Variants in TAFA1 observed in about 807,000 individuals in gnomAD.
TAFA1 encodes the protein TAFA chemokine like family member 1, also known as chemokine-like protein TAFA-1.
Under a neutral mutation model 18.5 loss-of-function variants are expected in TAFA1, and 4 were observed. The ratio of observed to expected loss-of-function variants is 0.22; its 90% CI spans 0.11 to 0.49. The LOEUF is 0.49. Among genes scored for constraint, TAFA1 ranks in the 20% least tolerant of loss-of-function variants. The pLI is 0.98. For missense variants in TAFA1, 147 were observed against 169.0 expected (o/e 0.87, Z 0.72); for synonymous variants, 56 against 55.2 (o/e 1.01, Z -0.06).
At chr3:68,275,445 C>A (rs1304739254) in intron 2 of TAFA1, among the ~76,000 whole-genome samples, 1 of 149,842 alleles carries the variant, frequency 6.7e-6, no homozygotes, top group African/African-American at 2.4e-5. Context: ...GGGCTTCAAG[C>A]AAGATCATGT....
At chr3:68,525,213 C>T (rs1429183177) in intron 3 of TAFA1, among the ~76,000 whole-genome samples, 1 of 152,082 alleles carries the variant, frequency 6.6e-6, no homozygotes, top group African/African-American at 2.4e-5. Flanking sequence ...AAATGAATTT[C>T]GAAGCGTCAG....
intron 2 of TAFA1, among the ~76,000 whole-genome samples, chr3:68,227,702 C>T (rs766192613): frequency 6.6e-6 from 1 of 152,122 alleles, no homozygotes; most frequent in Non-Finnish European, 1.5e-5. Context: ...GGCTTTTTTT[C>T]TCCCAACTAT....
At chr3:68,472,533 C>A (rs796258415) in intron 3 of TAFA1, among the ~76,000 whole-genome samples, 21 of 141,590 alleles carry the variant, frequency 1.5e-4, no homozygotes, top group African/African-American at 4.3e-4. Flanking sequence ...CACACACACA[C>A]AAATACACAT....
At chr3:68,483,753 G>T (rs2072281422) in intron 3 of TAFA1, among the ~76,000 whole-genome samples, 2 of 152,154 alleles carry the variant, frequency 1.3e-5, no homozygotes, top group African/African-American at 2.4e-5. Context: ...CAGAGCAGAG[G>T]GAACAGCAAG....
At chr3:68,014,938 C>T (rs981157079) in intron 2 of TAFA1, among the ~76,000 whole-genome samples, 1 of 152,232 alleles carries the variant, frequency 6.6e-6, no homozygotes, top group South Asian at 2.1e-4. Flanking sequence ...ATCCTACCTG[C>T]AGGCTGTCAG....
intron 4 of TAFA1, among the ~76,000 whole-genome samples, chr3:68,542,601 A>G (rs2073395169): frequency 6.6e-6 from 1 of 152,116 alleles, no homozygotes; most frequent in Non-Finnish European, 1.5e-5. Context: ...GTCTTACTCA[A>G]TTTAGAAAGT....
chr3:68,237,635 G>A (rs1352608908), intron 2 of TAFA1, among the ~76,000 whole-genome samples: 1 of 152,108 alleles, frequency 6.6e-6, no homozygotes, highest in African/African-American at 2.4e-5. Context: ...ATGTATAATA[G>A]GGTTCTGAAT....
At chr3:68,007,754 A>C (rs1704389216) in intron 2 of TAFA1, among the ~76,000 whole-genome samples, 3 of 151,068 alleles carry the variant, frequency 2.0e-5, no homozygotes, top group African/African-American at 7.3e-5. Context: ...TCCTCCCCCC[A>C]TCCGTCGAGC....
chr3:68,045,839 C>T (rs921999137), intron 2 of TAFA1, among the ~76,000 whole-genome samples: 2 of 152,074 alleles, frequency 1.3e-5, no homozygotes, highest in African/African-American at 4.8e-5. Flanking sequence ...TGAAAATTAA[C>T]AAAGGGAACA....
At chr3:68,262,268 T>C (rs1474422233) in intron 2 of TAFA1, among the ~76,000 whole-genome samples, 1 of 143,972 alleles carries the variant, frequency 6.9e-6, no homozygotes, top group Non-Finnish European at 1.5e-5. Flanking sequence ...TTAGGATTTT[T>C]TTTTTTTAAA....
chr3:68,018,013 C>A (rs1176875741), intron 2 of TAFA1, among the ~76,000 whole-genome samples: 1 of 152,142 alleles, frequency 6.6e-6, no homozygotes, highest in Admixed American at 6.5e-5. Context: ...AGGAACAGAA[C>A]AAGTAAAGAC....
intron 3 of TAFA1, among the ~76,000 whole-genome samples, chr3:68,487,739 G>A (rs568669882): frequency 2.5e-5 from 3 of 120,596 alleles, no homozygotes; most frequent in Admixed American, 1.0e-4. Context: ...GGGACAGAGC[G>A]AAACTCTGTC....
At chr3:68,510,917 AG>A (rs1288795823) in intron 3 of TAFA1, among the ~76,000 whole-genome samples, 2 of 152,204 alleles carry the variant, frequency 1.3e-5, no homozygotes, top group African/African-American at 4.8e-5. Context: ...AATGTAAGTT[AG>A]AAATGTGTCC....
At chr3:68,468,465 A>G (rs2071931629) in intron 3 of TAFA1, among the ~76,000 whole-genome samples, 3 of 152,038 alleles carry the variant, frequency 2.0e-5, no homozygotes, top group Admixed American at 2.0e-4. Context: ...GAACCAAATT[A>G]CTCTCCTGGT....
intron 4 of TAFA1, among the ~76,000 whole-genome samples, chr3:68,544,157 G>A (rs904340927): frequency 8.6e-5 from 13 of 151,956 alleles, no homozygotes; most frequent in African/African-American, 3.1e-4. Context: ...AACCAAGCAG[G>A]AGGCTCTTTC....
intron 3 of TAFA1, among the ~76,000 whole-genome samples, chr3:68,508,257 A>G (rs1395111946): frequency 2.0e-5 from 3 of 151,428 alleles, no homozygotes; most frequent in African/African-American, 7.3e-5. Context: ...AACCTTAATT[A>G]CTTGCTTACT....
At chr3:68,210,289 T>C (rs922244613) in intron 2 of TAFA1, among the ~76,000 whole-genome samples, 2 of 152,032 alleles carry the variant, frequency 1.3e-5, no homozygotes, top group African/African-American at 2.4e-5. Context: ...TAGATTTTCC[T>C]CTGAAATGAA....
At chr3:68,437,935 C>G (rs1168444890) in intron 3 of TAFA1, among the ~76,000 whole-genome samples, 1 of 152,136 alleles carries the variant, frequency 6.6e-6, no homozygotes, top group East Asian at 1.9e-4. Context: ...AACAAGGCAT[C>G]TACTTCCAAG....
chr3:67,999,278 C>A (rs2361369), upstream of TAFA1, among the ~76,000 whole-genome samples: 1 of 61,782 alleles, frequency 1.6e-5, no homozygotes, highest in African/African-American at 4.2e-5. Flanking sequence ...CCCCCCCCCC[C>A]CCCTCTCTCT....
Sources: allele counts gnomAD v4.1 joint callset (sites outside exome capture counted in the v4.1 genomes callset), GRCh38; gene constraint gnomAD v4.1.1; transcripts MANE v1.5; gene names NCBI Gene and HGNC (gene_info 2026-07-23, HGNC 2026-07-21).